LHFPL3: variants seen among roughly 807,000 people sequenced by gnomAD.
The protein encoded by LHFPL3 is LHFPL tetraspan subfamily member 3 protein.
LHFPL3 carries 5 observed loss-of-function variants against 19.3 expected under a neutral mutation model. That is an observed-to-expected ratio of 0.26 (90% CI 0.14 to 0.54). LHFPL3 has a LOEUF of 0.54. LHFPL3 is among the 20% of genes least tolerant of loss of function. The probability of loss-of-function intolerance (pLI) is 0.94; values close to 1 mark genes in which losing one functional copy is unlikely to be tolerated. For synonymous variants in LHFPL3, 133 were observed against 126.2 expected (o/e 1.05, Z -0.36); for missense variants, 249 against 307.4 (o/e 0.81, Z 1.42).
intron 1 of LHFPL3, among the ~76,000 whole-genome samples, chr7:104,440,272 A>G (rs1052747873): frequency 6.6e-6 from 1 of 152,172 alleles, no homozygotes; most frequent in Non-Finnish European, 1.5e-5. Context: ...AGGGACATGG[A>G]TGAAGCTGGA....
intron 1 of LHFPL3, among the ~76,000 whole-genome samples, chr7:104,410,204 C>T (rs983986013): frequency 2.0e-5 from 3 of 152,160 alleles, no homozygotes; most frequent in African/African-American, 4.8e-5. Context: ...GCAATCTTGG[C>T]TCACTGCAAC....
At chr7:104,518,845 AG>A (rs1248812816) in intron 1 of LHFPL3, among the ~76,000 whole-genome samples, 3,593 of 148,348 alleles carry the variant, frequency 0.024, 169 homozygotes, top group African/African-American at 0.086. Flanking sequence ...ATAGATAGAT[AG>A]AATAAATAAA....
intron 2 of LHFPL3, among the ~76,000 whole-genome samples, chr7:104,749,348 G>T (rs1184914350): frequency 2.6e-5 from 4 of 152,288 alleles, no homozygotes; most frequent in Non-Finnish European, 1.5e-5. Flanking sequence ...ATAACAGTCT[G>T]AAAACTTGTC....
At chr7:104,640,682 G>A (rs771157089) in intron 1 of LHFPL3, among the ~76,000 whole-genome samples, 2 of 152,076 alleles carry the variant, frequency 1.3e-5, no homozygotes, top group Non-Finnish European at 2.9e-5. Flanking sequence ...AATGATCGCC[G>A]TTCTAACTGA....
At chr7:104,372,626 G>A (rs1400368057) in intron 1 of LHFPL3, among the ~76,000 whole-genome samples, 1 of 152,150 alleles carries the variant, frequency 6.6e-6, no homozygotes, top group Non-Finnish European at 1.5e-5. Context: ...TCTTGGACAA[G>A]TAACTTTATG....
At chr7:104,684,342 C>T (rs761455122) in intron 1 of LHFPL3, among the ~76,000 whole-genome samples, 4 of 152,166 alleles carry the variant, frequency 2.6e-5, no homozygotes, top group Non-Finnish European at 5.9e-5. Context: ...AAACTTTCTC[C>T]GTAAAGGGCC....
intron 1 of LHFPL3, among the ~76,000 whole-genome samples, chr7:104,675,893 G>C (rs1199139912): frequency 6.6e-6 from 1 of 152,160 alleles, no homozygotes. Flanking sequence ...AAAACTGCTG[G>C]ATGCAAGCAT....
In LHFPL3 at chr7:104,551,156, A is replaced by G. The variant is rs1794656854; in HGVS notation, c.446-185519A>G. On this transcript the variant is annotated intron_variant, in intron 1 of 2. Coordinates refer to ENST00000424859, the MANE Select transcript of LHFPL3 (RefSeq NM_199000.3). ...ACACACACACTTCATGTTTGCGAGC[A>G]TTTTATAAAAAAACAACTATTAAGT... Among the ~76,000 whole-genome samples the G allele has an allele frequency of 2.0e-5, 3 of 152,072 alleles. No individual in the cohort carries two copies. The South Asian group carries it at 6.2e-4, about 32-fold the overall frequency.
chr7:104,463,006 T>A (rs1456724507), intron 1 of LHFPL3, among the ~76,000 whole-genome samples: 1 of 152,122 alleles, frequency 6.6e-6, no homozygotes, highest in Non-Finnish European at 1.5e-5. Context: ...TCTCTTGTAG[T>A]TTTTCTAGTT....
intron 1 of LHFPL3, among the ~76,000 whole-genome samples, chr7:104,494,803 C>T (rs1274409304): frequency 3.3e-5 from 5 of 152,088 alleles, no homozygotes; most frequent in African/African-American, 1.2e-4. Context: ...CCTGGCAGCT[C>T]CTCACCCAGG....
chr7:104,787,456 T>C (rs894229195), intron 2 of LHFPL3, among the ~76,000 whole-genome samples: 1 of 152,162 alleles, frequency 6.6e-6, no homozygotes, highest in Non-Finnish European at 1.5e-5. Flanking sequence ...AGTCCAAGAT[T>C]AAGGCACCAA....
intron 1 of LHFPL3, among the ~76,000 whole-genome samples, chr7:104,551,277 T>C (rs895288065): frequency 3.3e-5 from 5 of 152,220 alleles, no homozygotes; most frequent in African/African-American, 9.6e-5. Context: ...GATTTGCATT[T>C]CTTCCTTTCT....
At chr7:104,678,148 C>A (rs1022290362) in intron 1 of LHFPL3, among the ~76,000 whole-genome samples, 4 of 152,178 alleles carry the variant, frequency 2.6e-5, no homozygotes, top group Admixed American at 2.0e-4. Flanking sequence ...AGTAGATTAA[C>A]TGTAAGATAA....
intron 1 of LHFPL3, among the ~76,000 whole-genome samples, chr7:104,563,359 G>C (rs540681072): frequency 0.011 from 1,698 of 151,878 alleles, no homozygotes; most frequent in African/African-American, 0.039. Context: ...GACCCTCCGA[G>C]CCAGGTGCGG....
At chr7:104,629,075 G>C (rs1791596563) in intron 1 of LHFPL3, among the ~76,000 whole-genome samples, 1 of 152,098 alleles carries the variant, frequency 6.6e-6, no homozygotes, top group Non-Finnish European at 1.5e-5. Context: ...TATTCCTTTT[G>C]TATAACTACA....
rs149116370 is a variant in LHFPL3 at position 104,541,721 on chromosome 7, T to C, written c.446-194954T>C. Among the ~76,000 whole-genome samples the C allele has an allele frequency of 1.1e-4, 17 of 152,332 alleles. No individual in the cohort carries two copies. The East Asian group carries it at 3.3e-3, about 29-fold the overall frequency. On this transcript the variant is annotated intron_variant, in intron 1 of 2. Coordinates refer to ENST00000424859, the MANE Select transcript of LHFPL3 (RefSeq NM_199000.3). ...ATAATATAGTAACATGCTTCTGTAC[T>C]GCAAATTCTCAGTAAATGTTGAATG... is the stretch of plus-strand genomic sequence containing the variant.
At chr7:104,840,695 G>GA (rs1250468414) in intron 2 of LHFPL3, among the ~76,000 whole-genome samples, 1 of 151,598 alleles carries the variant, frequency 6.6e-6, no homozygotes, top group South Asian at 2.1e-4. Context: ...GCATTTGAAG[G>GA]AAAATCAGTC....
At chr7:104,802,610 A>C (rs1009168476) in intron 2 of LHFPL3, among the ~76,000 whole-genome samples, 4 of 151,954 alleles carry the variant, frequency 2.6e-5, no homozygotes, top group African/African-American at 9.7e-5. Flanking sequence ...TGAATCTGCT[A>C]GCACTTTGAT....
intron 2 of LHFPL3, among the ~76,000 whole-genome samples, chr7:104,801,317 G>C (rs530770584): frequency 6.6e-6 from 1 of 152,184 alleles, no homozygotes; most frequent in South Asian, 2.1e-4. Context: ...TCTCACAATA[G>C]GACCAGCCAA....
Sources: gnomAD v4.1 joint callset for allele counts (sites outside exome capture counted in the v4.1 genomes callset) on GRCh38, gnomAD v4.1.1 for gene constraint, MANE v1.5 for transcripts, NCBI Gene and HGNC (gene_info 2026-07-23, HGNC 2026-07-21) for gene names.